GNB1: variants seen among roughly 807,000 people sequenced by gnomAD.
GNB1 encodes G protein subunit beta 1, also known as guanine nucleotide-binding protein G(I)/G(S)/G(T) subunit beta-1.
A neutral mutation model predicts 42.9 loss-of-function variants in GNB1; 2 were observed. The ratio of observed to expected loss-of-function variants is 0.05; its 90% confidence interval spans 0.02 to 0.15. GNB1 has a LOEUF of 0.15. Among genes scored for constraint, GNB1 ranks in the 10% least tolerant of loss-of-function variants. The pLI is 1.00. For synonymous variants in GNB1, 183 were observed against 174.7 expected (o/e 1.05, Z -0.38); for missense variants, 193 against 462.2 (o/e 0.42, Z 5.34).
intron 3 of GNB1, among the ~76,000 whole-genome samples, chr1:1,822,300 CTTTTTTT>C (rs33922220): frequency 1.0e-5 from 1 of 97,744 alleles, no homozygotes; most frequent in African/African-American, 3.2e-5. Context: ...TCTCTTTTTA[CTTTTTTT>C]TTTTTTTTTT....
At chr1:1,873,058 T>G (rs578253617) in intron 1 of GNB1, among the ~76,000 whole-genome samples, 1 of 150,950 alleles carries the variant, frequency 6.6e-6, no homozygotes, top group African/African-American at 2.4e-5. Flanking sequence ...TAAGCCTTGT[T>G]TTTTTTTTTT....
chr1:1,880,593 A>AT lies in GNB1; in HGVS notation c.-96+10226_-96+10227insA, dbSNP rs1444744482. 1.0e-3 allele frequency among the ~76,000 whole-genome samples: 157 copies of AT among 151,716 alleles called. 1 individual carries two copies. Among genetic ancestry groups the AT allele is most frequent in the Non-Finnish European group, 1.6e-3 (108 of 67,812 alleles). ...AGAGAGAGACTCCATCTCAAAAAAAAAATATATATATATATGATGATGAAA... is the reference window on the plus strand; with the variant it reads ...AGAGAGAGACTCCATCTCAAAAAAAATAATATATATATATATGATGATGAAA... On this transcript the variant is annotated intron_variant, in intron 1 of 11. Coordinates refer to ENST00000378609, the MANE Select transcript of GNB1 (RefSeq NM_002074.5).
Position 1,790,602 on chromosome 1 carries a change from G to T in GNB1, c.498-6C>A. On this transcript the variant is annotated splice_polypyrimidine_tract_variant and splice_region_variant and intron_variant, in intron 8 of 11. Coordinates refer to ENST00000378609, the MANE Select transcript of GNB1 (RefSeq NM_002074.5). The surrounding 1 kb of genome is among the most constrained non-coding windows in gnomAD (Gnocchi z 5.4). ...TCTCGATGTCCCACAGGGCACTGGAGCAGGAGCGAATGACAAGGGGACATC... is the reference window on the plus strand; with the variant it reads ...TCTCGATGTCCCACAGGGCACTGGATCAGGAGCGAATGACAAGGGGACATC... 1 of 1,606,652 alleles carries T rather than the reference G, an allele frequency of 6.2e-7. No individual in the cohort carries two copies. Among genetic ancestry groups the T allele is most frequent in the Non-Finnish European group, 8.5e-7 (1 of 1,173,344 alleles).
At chr1:1,874,605 TAAAA>T (rs34864042) in intron 1 of GNB1, among the ~76,000 whole-genome samples, 3 of 46,998 alleles carry the variant, frequency 6.4e-5, no homozygotes, top group Non-Finnish European at 1.1e-4. Flanking sequence ...AGACTCCATC[TAAAA>T]AAAAAAAAAA....
chr1:1,862,747 C>G (rs972052190), intron 1 of GNB1, among the ~76,000 whole-genome samples: 2 of 152,128 alleles, frequency 1.3e-5, no homozygotes, highest in Non-Finnish European at 2.9e-5. Context: ...GCACAATCCA[C>G]TACACCTGGC....
intron 1 of GNB1, among the ~76,000 whole-genome samples, chr1:1,843,603 T>C (rs1647445583): frequency 6.6e-6 from 1 of 152,114 alleles, no homozygotes; most frequent in African/African-American, 2.4e-5. Context: ...AAAAGTGCTA[T>C]CAAATCACCT....
At chr1:1,872,346 T>C (rs1649294138) in intron 1 of GNB1, among the ~76,000 whole-genome samples, 1 of 152,178 alleles carries the variant, frequency 6.6e-6, no homozygotes, top group Non-Finnish European at 1.5e-5. Flanking sequence ...TCCCACTGCA[T>C]CAAGGAAAAC....
intron 1 of GNB1, among the ~76,000 whole-genome samples, chr1:1,883,964 G>A (rs1222302989): frequency 1.3e-5 from 2 of 150,582 alleles, no homozygotes; most frequent in African/African-American, 2.4e-5. Flanking sequence ...TAAAGTGTCC[G>A]GACTTTTTTT....
chr1:1,837,020 G>C (rs760192127), intron 2 of GNB1, among the ~76,000 whole-genome samples: 1 of 151,890 alleles, frequency 6.6e-6, no homozygotes, highest in Non-Finnish European at 1.5e-5. Flanking sequence ...ACCTATTCTG[G>C]ATACAAGTCA....
At chr1:1,875,935 A>G (rs1649521717) in intron 1 of GNB1, among the ~76,000 whole-genome samples, 1 of 152,138 alleles carries the variant, frequency 6.6e-6, no homozygotes, top group African/African-American at 2.4e-5. Context: ...ACGAGGTCAT[A>G]CTGAATTAGG....
At chr1:1,861,532 A>G (rs1026375568) in intron 1 of GNB1, among the ~76,000 whole-genome samples, 1 of 151,900 alleles carries the variant, frequency 6.6e-6, no homozygotes, top group South Asian at 2.1e-4. Context: ...CCTCAAGGGA[A>G]GCAGGATTGG....
At chr1:1,877,324 T>C (rs1285882888) in intron 1 of GNB1, among the ~76,000 whole-genome samples, 1 of 146,754 alleles carries the variant, frequency 6.8e-6, no homozygotes, top group Non-Finnish European at 1.5e-5. Flanking sequence ...AAAATATATA[T>C]ATATATACAC....
chr1:1,819,522 C>T lies in GNB1; in HGVS notation c.58-1647G>A, dbSNP rs1053247437. Among the ~76,000 whole-genome samples, 17 of 145,436 alleles carry T rather than the reference C, an allele frequency of 1.2e-4. 1 individual carries two copies. Among genetic ancestry groups the T allele is most frequent in the Admixed American group, 2.8e-4 (4 of 14,498 alleles). On this transcript the variant is annotated intron_variant, in intron 3 of 11. Transcript: ENST00000378609. ...AGGCGTGAGCCACCCCGCCTGGCCTCTTTTTTTTTTTAAACTATGTATTTA... is the reference window on the plus strand; with the variant it reads ...AGGCGTGAGCCACCCCGCCTGGCCTTTTTTTTTTTTTAAACTATGTATTTA...
chr1:1,814,286 C>T (rs1182985724), intron 5 of GNB1, among the ~76,000 whole-genome samples: 2 of 152,092 alleles, frequency 1.3e-5, no homozygotes, highest in Non-Finnish European at 1.5e-5. Context: ...ACGCTAACAA[C>T]GGAATACAAA....
intron 1 of GNB1, among the ~76,000 whole-genome samples, chr1:1,850,301 TTTTTA>T (rs1338241940): frequency 6.6e-6 from 1 of 152,092 alleles, no homozygotes; most frequent in East Asian, 1.9e-4. Context: ...CTGCTAATTT[TTTTTA>T]TTTTTAGTAG....
chr1:1,810,977 GCTTT>G (rs1646768569), intron 5 of GNB1, among the ~76,000 whole-genome samples: 1 of 150,654 alleles, frequency 6.6e-6, no homozygotes, highest in Admixed American at 6.6e-5. Flanking sequence ...CTCTCATGTA[GCTTT>G]ATTTGTGTTT....
intron 1 of GNB1, among the ~76,000 whole-genome samples, chr1:1,853,133 C>T (rs1434291611): frequency 1.3e-5 from 2 of 152,122 alleles, no homozygotes; most frequent in African/African-American, 4.8e-5. Flanking sequence ...CCCACTGCTT[C>T]AGCCTCTTGA....
intron 3 of GNB1, among the ~76,000 whole-genome samples, chr1:1,823,983 A>AGCTC (rs1646965398): frequency 6.6e-6 from 1 of 152,156 alleles, no homozygotes; most frequent in South Asian, 2.1e-4. Flanking sequence ...CCTCCTGGGT[A>AGCTC]GCTCAGACTA....
chr1:1,851,772 A>G (rs1314567487), intron 1 of GNB1, among the ~76,000 whole-genome samples: 1 of 152,036 alleles, frequency 6.6e-6, no homozygotes, highest in East Asian at 1.9e-4. Context: ...GGCCGGGCAC[A>G]GCGGCTCACG....
Sources: allele counts gnomAD v4.1 joint callset (sites outside exome capture counted in the v4.1 genomes callset), GRCh38; gene constraint gnomAD v4.1.1; non-coding constraint Gnocchi (gnomAD v3.1); transcripts MANE v1.5; gene names NCBI Gene and HGNC (gene_info 2026-07-23, HGNC 2026-07-21).